The following C17orf99 variants were observed in gnomAD, a reference collection of about 807,000 sequenced individuals.
C17orf99 encodes the protein chromosome 17 open reading frame 99, also known as protein IL-40.
A neutral mutation model predicts 22.6 loss-of-function variants in C17orf99; 18 were observed. That is an observed-to-expected ratio of 0.80 (90% CI 0.55 to 1.18). C17orf99 has a LOEUF of 1.18. Among genes scored for constraint, C17orf99 ranks in the 50% most tolerant of loss-of-function variants. The probability of loss-of-function intolerance (pLI) is 0.00; values close to 1 mark genes in which losing one functional copy is unlikely to be tolerated. For missense variants in C17orf99, 328 were observed against 342.7 expected (o/e 0.96, Z 0.34); for synonymous variants, 147 against 136.6 (o/e 1.08, Z -0.53).
At chr17:78,145,609 T>G (rs908097789), upstream of C17orf99, among the ~76,000 whole-genome samples, 27 of 152,020 alleles carry the variant, frequency 1.8e-4, no homozygotes, top group African/African-American at 6.0e-4. Flanking sequence ...CCATCATGGG[T>G]GGGGCTGCCT....
chr17:78,153,918 C>CTTTTTTTTTTT (rs532705146), intron 2 of C17orf99, among the ~76,000 whole-genome samples: 3 of 79,546 alleles, frequency 3.8e-5, no homozygotes, highest in Non-Finnish European at 6.7e-5. Flanking sequence ...AGTATTCCTT[C>CTTTTTTTTTTT]TTTTTTTTTT....
At chr17:78,165,588 A>G (rs2075611305) in intron 4 of C17orf99, 4 of 984,752 alleles carry the variant, frequency 4.1e-6, no homozygotes, top group South Asian at 9.5e-5. Flanking sequence ...GAATCACCTG[A>G]GGTCAGGAGT....
Position 78,164,130 on chromosome 17 carries a change from C to G in C17orf99, c.406C>G (p.Gln136Glu). The part of the protein sequence containing the change: ...VSELRANFTL[Q>E]DRGAGPRVEM... Reference sequence around the variant, plus strand: ...TGAGCTGCGGGCCAACTTCACTCTGCAGGACAGAGGGGCAGGCCCCAGGGT... The same window carrying G: ...TGAGCTGCGGGCCAACTTCACTCTGGAGGACAGAGGGGCAGGCCCCAGGGT... Residue 136 changes from glutamine (Q) to glutamate (E), a missense_variant, in exon 4 of 5, where the codon CAG (glutamine) becomes GAG (glutamate). Physicochemically the swap from Gln to Glu is conservative, Grantham distance 29. Coordinates refer to ENST00000340363, the MANE Select transcript of C17orf99 (RefSeq NM_001163075.2). 1 of 1,551,746 alleles carries G rather than the reference C, an allele frequency of 6.4e-7. No individual in the cohort carries two copies. The highest frequency in any genetic ancestry group is 8.7e-7 in the Non-Finnish European group (1 of 1,147,024).
chr17:78,148,200 C>G (rs72896276), intron 2 of C17orf99, among the ~76,000 whole-genome samples: 35,481 of 147,556 alleles, frequency 0.24, 5,496 homozygotes, highest in Non-Finnish European at 0.35. Flanking sequence ...CTGACCGACA[C>G]AGTGAGACCC....
intron 2 of C17orf99, chr17:78,157,325 C>T: frequency 1.7e-6 from 1 of 588,328 alleles, no homozygotes; most frequent in South Asian, 1.7e-5. Flanking sequence ...GACCTGTGTT[C>T]AGCAGCGGCG....
chr17:78,147,694 C>G (rs189886269), intron 2 of C17orf99, among the ~76,000 whole-genome samples: 1 of 152,178 alleles, frequency 6.6e-6, no homozygotes, highest in Non-Finnish European at 1.5e-5. Context: ...GGCCTTCCCC[C>G]TCTATTTTGC....
At chr17:78,157,828 T>TG in intron 2 of C17orf99, 1 of 682,918 alleles carries the variant, frequency 1.5e-6, no homozygotes, top group Non-Finnish European at 2.4e-6. Flanking sequence ...AAAAAAAGAA[T>TG]GGCTTTGTGG....
chr17:78,164,964 G>A (rs2075607321), intron 4 of C17orf99: 2 of 1,137,050 alleles, frequency 1.8e-6, no homozygotes, highest in African/African-American at 1.7e-5. Flanking sequence ...TCTTTATGGG[G>A]TCTGAGCAGG....
intron 2 of C17orf99, chr17:78,160,203 G>C (rs775727339): frequency 8.8e-5 from 39 of 441,366 alleles, no homozygotes; most frequent in Non-Finnish European, 1.4e-4. Flanking sequence ...TTATTTATTT[G>C]TAATTTTTAG....
intron 2 of C17orf99, among the ~76,000 whole-genome samples, chr17:78,149,204 C>T (rs910511008): frequency 1.3e-5 from 2 of 151,656 alleles, no homozygotes; most frequent in Non-Finnish European, 2.9e-5. Context: ...TGGTGGCGCA[C>T]GTCTGTAATC....
At chr17:78,149,951 T>C (rs575270921) in intron 2 of C17orf99, among the ~76,000 whole-genome samples, 9 of 152,038 alleles carry the variant, frequency 5.9e-5, no homozygotes, top group South Asian at 4.2e-4. Context: ...CCTCGTGATC[T>C]GCCCACCTTG....
intron 2 of C17orf99, chr17:78,158,189 A>G (rs937161345): frequency 2.8e-6 from 2 of 719,912 alleles, no homozygotes; most frequent in Non-Finnish European, 5.0e-6. Flanking sequence ...AGCTGCTGCA[A>G]TCAAGGCTCC....
chr17:78,162,788 A>T (rs1380154995), intron 3 of C17orf99, among the ~76,000 whole-genome samples: 1 of 152,018 alleles, frequency 6.6e-6, no homozygotes, highest in Non-Finnish European at 1.5e-5. Flanking sequence ...CTGCAAAAAA[A>T]TTATTTTCTT....
rs138429971 is a variant in C17orf99 at position 78,150,411 on chromosome 17, G to A, written c.70+3500G>A. On this transcript the variant is annotated intron_variant, in intron 2 of 4. Coordinates refer to ENST00000340363, the MANE Select transcript of C17orf99 (RefSeq NM_001163075.2). ...CTCCCTCTTTAGCCTCCCGAAGTGC[G>A]GGGGTTACAGGTATGAGCCACTGTG... Among the ~76,000 whole-genome samples, 14 of 152,194 alleles carry A rather than the reference G, an allele frequency of 9.2e-5. No homozygotes were observed. In the South Asian group the frequency reaches 1.0e-3, roughly 11 times the overall value.
intron 4 of C17orf99, chr17:78,165,630 C>G: frequency 1.1e-6 from 1 of 914,576 alleles, no homozygotes; most frequent in Non-Finnish European, 1.3e-6. Context: ...TGAAGAAACC[C>G]CGTCTCTACT....
intron 2 of C17orf99, among the ~76,000 whole-genome samples, chr17:78,156,332 G>GAAAAAAAAAAA (rs769438256): frequency 3.2e-5 from 2 of 63,382 alleles, no homozygotes; most frequent in Admixed American, 2.0e-4. Flanking sequence ...TCCTTCTCCA[G>GAAAAAAAAAAA]AAAAAAAAAA....
At chr17:78,157,068 G>A (rs573807230) in intron 2 of C17orf99, among the ~76,000 whole-genome samples, 119 of 151,546 alleles carry the variant, frequency 7.9e-4, no homozygotes, top group African/African-American at 2.4e-3. Context: ...GGTGGCTCAC[G>A]CTTGTAATGC....
intron 2 of C17orf99, among the ~76,000 whole-genome samples, chr17:78,149,115 T>C (rs576755048): frequency 6.6e-6 from 1 of 152,138 alleles, no homozygotes; most frequent in East Asian, 1.9e-4. Flanking sequence ...GCAGATCACC[T>C]GAGGTCAGGA....
intron 2 of C17orf99, among the ~76,000 whole-genome samples, chr17:78,149,712 ATTT>A (rs547613367): frequency 7.1e-6 from 1 of 141,080 alleles, no homozygotes; most frequent in Admixed American, 7.4e-5. Flanking sequence ...ATTTAATTTA[ATTT>A]TTTTTTTTTT....
Sources: allele counts gnomAD v4.1 joint callset (sites outside exome capture counted in the v4.1 genomes callset), GRCh38; gene constraint gnomAD v4.1.1; transcripts MANE v1.5; gene names NCBI Gene and HGNC (gene_info 2026-07-23, HGNC 2026-07-21).